The following GRIK4 variants were observed in gnomAD, a reference collection of about 807,000 sequenced individuals.
The protein encoded by GRIK4 is glutamate receptor ionotropic, kainate 4.
GRIK4 carries 40 observed loss-of-function variants against 104.9 expected under a neutral mutation model. That is an observed-to-expected ratio of 0.38 (90% CI 0.30 to 0.50). GRIK4 has a LOEUF of 0.50. Ranked by LOEUF, GRIK4 falls within the 20% of genes least tolerant of loss-of-function variation. The pLI, the probability that GRIK4 is intolerant of heterozygous loss-of-function variation, is 0.93. For missense variants in GRIK4, 1,047 were observed against 1,308.1 expected (o/e 0.80, Z 3.08); for synonymous variants, 485 against 524.9 (o/e 0.92, Z 1.04).
At chr11:120,590,346 CA>C (rs1948719529) in intron 1 of GRIK4, among the ~76,000 whole-genome samples, 1 of 152,232 alleles carries the variant, frequency 6.6e-6, no homozygotes, top group Non-Finnish European at 1.5e-5. Flanking sequence ...CTCCCAGCCA[CA>C]GGCTTTGTCT....
At chr11:120,859,131 C>T (rs527946493) in intron 8 of GRIK4, 19 of 152,050 alleles carry the variant, frequency 1.2e-4, no homozygotes, top group African/African-American at 4.3e-4. Context: ...ATTCTTACTC[C>T]GCCCAGAACA....
intron 1 of GRIK4, among the ~76,000 whole-genome samples, chr11:120,554,495 A>T (rs1948168811): frequency 6.6e-6 from 1 of 152,062 alleles, no homozygotes; most frequent in Admixed American, 6.5e-5. Flanking sequence ...GTATGAAGTC[A>T]AGGGGAGAGG....
At chr11:120,558,809 A>G (rs1480265919) in intron 1 of GRIK4, among the ~76,000 whole-genome samples, 2 of 152,224 alleles carry the variant, frequency 1.3e-5, no homozygotes, top group Non-Finnish European at 2.9e-5. Flanking sequence ...AACGTGAGCA[A>G]GAGTTTTCCC....
Position 120,960,945 on chromosome 11 carries a change from G to A in GRIK4, c.1911G>A (p.Thr637=), listed in dbSNP as rs377316789. The stretch of plus-strand genomic sequence containing the variant: ...CGCTGATCATCATCTCATCCTACAC[G>A]GCCAACCTGGCAGCCTTCCTGACCG... ...AFTLIIISSY[T]ANLAAFLTVQ... The change falls in exon 17 of 21, where the codon ACG becomes ACA. Residue 637 remains threonine (T), a synonymous_variant. Coordinates refer to ENST00000527524, the MANE Select transcript of GRIK4 (RefSeq NM_014619.5). The A allele has an allele frequency of 1.4e-5, 22 of 1,613,718 alleles. No homozygotes were observed. The highest frequency in any genetic ancestry group is 4.5e-5 in the East Asian group (2 of 44,862).
intron 1 of GRIK4, among the ~76,000 whole-genome samples, chr11:120,624,339 A>G (rs895614143): frequency 8.6e-5 from 13 of 151,794 alleles, no homozygotes; most frequent in African/African-American, 2.9e-4. Context: ...GAAATATCTG[A>G]GTAGTGTTGG....
chr11:120,773,777 T>C (rs548588369), intron 3 of GRIK4, among the ~76,000 whole-genome samples: 1 of 152,320 alleles, frequency 6.6e-6, no homozygotes, highest in Non-Finnish European at 1.5e-5. Context: ...CCTGGGACTT[T>C]ATAACCACAG....
At chr11:120,591,258 CAGG>C (rs1210265312) in intron 1 of GRIK4, among the ~76,000 whole-genome samples, 1 of 151,670 alleles carries the variant, frequency 6.6e-6, no homozygotes, top group African/African-American at 2.4e-5. Flanking sequence ...ACCTGGATGT[CAGG>C]AGGCAGGGAG....
At chr11:120,519,751 A>T (rs1391515362) in intron 1 of GRIK4, among the ~76,000 whole-genome samples, 3 of 151,908 alleles carry the variant, frequency 2.0e-5, no homozygotes, top group African/African-American at 7.3e-5. Context: ...TTCAAGCTCT[A>T]GTGGGAAATC....
At chr11:120,695,645 G>A (rs1950435243) in intron 3 of GRIK4, among the ~76,000 whole-genome samples, 1 of 152,238 alleles carries the variant, frequency 6.6e-6, no homozygotes, top group Admixed American at 6.5e-5. Context: ...GTGGGAGGCA[G>A]GGCTGTCTTT....
At chr11:120,526,099 A>G (rs553246982) in intron 1 of GRIK4, among the ~76,000 whole-genome samples, 1 of 152,296 alleles carries the variant, frequency 6.6e-6, no homozygotes, top group Admixed American at 6.5e-5. Context: ...TAGCCTTGGC[A>G]GGGGGCCTGA....
chr11:120,607,316 G>A (rs1948974838), intron 1 of GRIK4, among the ~76,000 whole-genome samples: 1 of 152,222 alleles, frequency 6.6e-6, no homozygotes, highest in Admixed American at 6.5e-5. Flanking sequence ...ATGGGAATCA[G>A]CAATGGCACA....
At chr11:120,519,809 A>G (rs1947773737) in intron 1 of GRIK4, among the ~76,000 whole-genome samples, 3 of 150,470 alleles carry the variant, frequency 2.0e-5, no homozygotes, top group African/African-American at 7.4e-5. Flanking sequence ...TGTATGTGAA[A>G]TATGCACTAA....
chr11:120,835,597 T>C (rs1447428319), intron 7 of GRIK4, among the ~76,000 whole-genome samples: 1 of 152,088 alleles, frequency 6.6e-6, no homozygotes, highest in Non-Finnish European at 1.5e-5. Context: ...ATGAACACTA[T>C]GTAAGAGGAA....
chr11:120,858,687 C>T (rs749081360), intron 8 of GRIK4, among the ~76,000 whole-genome samples: 2 of 152,168 alleles, frequency 1.3e-5, no homozygotes, highest in African/African-American at 2.4e-5. Context: ...CACCTGGAAA[C>T]CTAATGCCCT....
rs1354982831 is a variant in GRIK4 at position 120,802,917 on chromosome 11, T to A, written c.247+60T>A. ...CTGGCAGAGGATGGATGAGCAGTGG[T>A]GTGAGCTGCACCTATCAGTCACCAG... On this transcript the variant is annotated intron_variant, in intron 4 of 20. Coordinates refer to ENST00000527524, the MANE Select transcript of GRIK4 (RefSeq NM_014619.5). 2.8e-6 allele frequency: 4 copies of A among 1,429,174 alleles called. No individual in the cohort carries two copies. The East Asian group carries it at 9.1e-5, about 32-fold the overall frequency. 88.5% of individuals were successfully genotyped at this position (1,429,174 alleles called of 1,614,324 possible). A position where few individuals can be genotyped will look rare whatever the true frequency, so the allele number is the denominator to read the frequency against.
At chr11:120,581,333 G>T (rs1352020033) in intron 1 of GRIK4, among the ~76,000 whole-genome samples, 4 of 152,192 alleles carry the variant, frequency 2.6e-5, no homozygotes, top group Non-Finnish European at 5.9e-5. Flanking sequence ...GTCATTTAGA[G>T]AACGGTTTCA....
intron 13 of GRIK4, among the ~76,000 whole-genome samples, chr11:120,906,415 A>G (rs1942867722): frequency 6.6e-6 from 1 of 152,202 alleles, no homozygotes; most frequent in Admixed American, 6.5e-5. Context: ...TTTTACATGC[A>G]TTATCTCTAA....
intron 1 of GRIK4, among the ~76,000 whole-genome samples, chr11:120,556,841 T>C (rs946076825): frequency 2.6e-5 from 4 of 152,196 alleles, no homozygotes; most frequent in African/African-American, 7.2e-5. Flanking sequence ...CCGCCCTCTA[T>C]GTCAGTTGAG....
At chr11:120,913,831 G>GC (rs1321872480) in intron 13 of GRIK4, among the ~76,000 whole-genome samples, 1 of 146,982 alleles carries the variant, frequency 6.8e-6, no homozygotes, top group Non-Finnish European at 1.5e-5. Flanking sequence ...CACTGGGAAG[G>GC]TTGTCCGGAG....
Sources: allele counts gnomAD v4.1 joint callset (sites outside exome capture counted in the v4.1 genomes callset), GRCh38; gene constraint gnomAD v4.1.1; transcripts MANE v1.5; gene names NCBI Gene and HGNC (gene_info 2026-07-23, HGNC 2026-07-21).